Variants in CTNNA3 observed in about 807,000 individuals in gnomAD.
The protein encoded by CTNNA3 is catenin alpha-3.
In CTNNA3, 76 loss-of-function variants were observed where a neutral mutation model predicts 95.7. The observed-to-expected ratio is 0.79, with a 90% CI of 0.66 to 0.96. The LOEUF (loss-of-function observed/expected upper bound fraction) is 0.96, where lower values mean the gene tolerates loss of function less well. CTNNA3 is among the 40% of genes least tolerant of loss of function. The pLI, the probability that CTNNA3 is intolerant of heterozygous loss-of-function variation, is 0.00. For missense variants in CTNNA3, 1,191 were observed against 1,089.8 expected, an observed-to-expected ratio of 1.09 and a Z score of -1.31; for synonymous variants, 431 against 374.4, an observed-to-expected ratio of 1.15 and a Z score of -1.74.
chr10:67,243,388 A>G (rs888223185), intron 5 of CTNNA3, among the ~76,000 whole-genome samples: 2 of 152,188 alleles, frequency 1.3e-5, no homozygotes, highest in African/African-American at 2.4e-5. Flanking sequence ...AATTAGGGAT[A>G]AAATTAAGGA....
chr10:67,694,744 T>G (rs1411471743), intron 1 of CTNNA3, among the ~76,000 whole-genome samples: 1 of 152,142 alleles, frequency 6.6e-6, no homozygotes, highest in East Asian at 1.9e-4. Context: ...TGCAATTATT[T>G]TTAAAGCCAT....
At chr10:66,128,951 T>TAAAAAAAAAACAAAAAAC (rs2082957170) in intron 13 of CTNNA3, among the ~76,000 whole-genome samples, 1 of 143,884 alleles carries the variant, frequency 7.0e-6, no homozygotes, top group African/African-American at 2.6e-5. Context: ...ATAGTCTGTT[T>TAAAAAAAAAACAAAAAAC]AAAAAAAAAA....
intron 5 of CTNNA3, among the ~76,000 whole-genome samples, chr10:67,343,709 T>C (rs1217622901): frequency 1.3e-5 from 2 of 151,862 alleles, no homozygotes; most frequent in African/African-American, 4.8e-5. Flanking sequence ...ACAAGCATAA[T>C]TTCACTTCTT....
rs1033831227 is a variant in CTNNA3, at chr10:66,618,009, G to A, written c.1374+3683C>T. Among the ~76,000 whole-genome samples the A allele has an allele frequency of 6.6e-4, 100 of 151,608 alleles. No individual in the cohort carries two copies. The East Asian group carries it at 0.013, about 19-fold the overall frequency. Reference sequence around the variant, plus strand: ...ACTAGGAATCCAACTTACAAGGGACGTGAAGGACCTCTTCAAGGAGAACTA... The same window carrying A: ...ACTAGGAATCCAACTTACAAGGGACATGAAGGACCTCTTCAAGGAGAACTA... On this transcript the variant is annotated intron_variant, in intron 10 of 17. Transcript: ENST00000433211.
At chr10:66,790,129 C>T (rs1840909491) in intron 7 of CTNNA3, among the ~76,000 whole-genome samples, 1 of 152,054 alleles carries the variant, frequency 6.6e-6, no homozygotes, top group Non-Finnish European at 1.5e-5. Context: ...TAAAAATACT[C>T]AAGTTAAAGA....
intron 11 of CTNNA3, among the ~76,000 whole-genome samples, chr10:66,474,140 T>G (rs79853825): frequency 0.014 from 2,074 of 152,186 alleles, 48 homozygotes; most frequent in African/African-American, 0.048. Flanking sequence ...TAGTCACCCG[T>G]CTGTGCAATA....
intron 7 of CTNNA3, among the ~76,000 whole-genome samples, chr10:66,869,532 C>A (rs142967077): frequency 0.015 from 2,302 of 152,122 alleles, 37 homozygotes; most frequent in Middle Eastern, 0.024. Context: ...AAGATCATGC[C>A]ACTGCACTGC....
At chr10:66,464,927 T>G (rs1373309368) in intron 11 of CTNNA3, among the ~76,000 whole-genome samples, 3 of 152,096 alleles carry the variant, frequency 2.0e-5, no homozygotes. Flanking sequence ...AGCTCTCTAT[T>G]CAGCTAGATT....
At position 67,305,377 on chromosome 10, in the gene CTNNA3, T is replaced by C. The variant is rs1022362198; in HGVS notation, c.580-85507A>G. ...CTTAGAGTATAATAAAAAAAAAAAA[T>C]TAAAAAAAAAAAAAAGAGAGAGAGA... On this transcript the variant is annotated intron_variant, in intron 5 of 17. Coordinates refer to ENST00000433211, the MANE Select transcript of CTNNA3 (RefSeq NM_013266.4). Among the ~76,000 whole-genome samples, 388 of 79,764 alleles carry C rather than the reference T, an allele frequency of 4.9e-3. 4 individuals are homozygous for C. The highest frequency in any genetic ancestry group is 0.022 in the African/African-American group (370 of 17,018). 52.3% of individuals were successfully genotyped at this position (79,764 alleles called of 152,430 possible). A position where few individuals can be genotyped will look rare whatever the true frequency, so the allele number is the denominator to read the frequency against.
chr10:66,141,275 A>G (rs544506829), intron 13 of CTNNA3, among the ~76,000 whole-genome samples: 24 of 152,064 alleles, frequency 1.6e-4, no homozygotes, highest in South Asian at 4.1e-4. Flanking sequence ...TAAAAAAAAA[A>G]AAAGAAAGAA....
At chr10:66,198,817 G>T (rs1490308773) in intron 13 of CTNNA3, among the ~76,000 whole-genome samples, 1 of 152,124 alleles carries the variant, frequency 6.6e-6, no homozygotes, top group Admixed American at 6.5e-5. Context: ...AGCGAACATT[G>T]TAACTTCATG....
chr10:67,207,399 T>G (rs1245752817), intron 6 of CTNNA3, among the ~76,000 whole-genome samples: 1 of 152,142 alleles, frequency 6.6e-6, no homozygotes, highest in African/African-American at 2.4e-5. Context: ...TATTAATAAC[T>G]AAAGTGATAA....
intron 7 of CTNNA3, among the ~76,000 whole-genome samples, chr10:66,814,851 CTT>C (rs71035183): frequency 8.0e-4 from 92 of 114,928 alleles, no homozygotes; most frequent in East Asian, 2.2e-3. Context: ...AGTTAGCATT[CTT>C]TTTTTTTTTT....
At chr10:66,491,905 T>C (rs1156939186) in intron 11 of CTNNA3, among the ~76,000 whole-genome samples, 1 of 152,158 alleles carries the variant, frequency 6.6e-6, no homozygotes, top group African/African-American at 2.4e-5. Flanking sequence ...ATATCCTTTT[T>C]CTTCATCCCC....
At position 67,041,198 on chromosome 10, in the gene CTNNA3, A is replaced by T. The variant is rs376444295; in HGVS notation, c.1047+139119T>A. Among the ~76,000 whole-genome samples the T allele has an allele frequency of 1.6e-4, 24 of 152,184 alleles. No individual in the cohort carries two copies. In the South Asian group the frequency reaches 3.9e-3, roughly 25 times the overall value. On this transcript the variant is annotated intron_variant, in intron 7 of 17. Coordinates refer to ENST00000433211, the MANE Select transcript of CTNNA3 (RefSeq NM_013266.4). ...TGCCAGAGCAAATAGTACTGAAGAAAATCAAACTTGTCAGAATAGATTTTC... is the reference window on the plus strand; with the variant it reads ...TGCCAGAGCAAATAGTACTGAAGAATATCAAACTTGTCAGAATAGATTTTC...
chr10:66,638,579 T>C (rs550069352), intron 9 of CTNNA3, among the ~76,000 whole-genome samples: 1 of 152,282 alleles, frequency 6.6e-6, no homozygotes, highest in East Asian at 1.9e-4. Context: ...AATAGACTAA[T>C]GCCAGTCCCT....
chr10:67,483,788 C>A lies in CTNNA3; in HGVS notation c.579+38054G>T, dbSNP rs368901133. 4.6e-3 allele frequency among the ~76,000 whole-genome samples: 592 copies of A among 129,320 alleles called. 9 individuals are homozygous for A. Among genetic ancestry groups the A allele is most frequent in the African/African-American group, 0.015 (530 of 34,806 alleles). 84.8% of individuals were successfully genotyped at this position (129,320 alleles called of 152,430 possible). ...AAAAAATAAAAATTAAAAAAAAAAA[C>A]AAAAAAAAAACAAAACACTGCTCAA... On this transcript the variant is annotated intron_variant, in intron 5 of 17. Coordinates refer to ENST00000433211, the MANE Select transcript of CTNNA3 (RefSeq NM_013266.4).
intron 12 of CTNNA3, among the ~76,000 whole-genome samples, chr10:66,316,725 T>C (rs559081658): frequency 6.6e-6 from 1 of 152,130 alleles, no homozygotes; most frequent in Non-Finnish European, 1.5e-5. Context: ...CCCCCTATCA[T>C]TGTTTATAAC....
intron 14 of CTNNA3, among the ~76,000 whole-genome samples, chr10:66,088,550 T>A (rs1037670300): frequency 6.6e-6 from 1 of 150,838 alleles, no homozygotes; most frequent in African/African-American, 2.4e-5. Context: ...GTGGTGAATA[T>A]CTTTCTGCAG....
Sources: gnomAD v4.1 joint callset for allele counts (sites outside exome capture counted in the v4.1 genomes callset) on GRCh38, gnomAD v4.1.1 for gene constraint, MANE v1.5 for transcripts, NCBI Gene and HGNC (gene_info 2026-07-23, HGNC 2026-07-21) for gene names.